ARID4A: variants seen among roughly 807,000 people sequenced by gnomAD.
ARID4A encodes the protein AT-rich interaction domain 4A, also known as AT-rich interactive domain-containing protein 4A.
In ARID4A, 39 loss-of-function variants were observed where a neutral mutation model predicts 148.6. The observed-to-expected ratio is 0.26, with a 90% CI of 0.20 to 0.34. ARID4A has a LOEUF of 0.34. Ranked by LOEUF, ARID4A falls within the 10% of genes least tolerant of loss-of-function variation. The pLI is 1.00. For synonymous variants in ARID4A, 475 were observed against 481.2 expected, an observed-to-expected ratio of 0.99 and a Z score of 0.17; for missense variants, 1,265 against 1,449.1, an observed-to-expected ratio of 0.87 and a Z score of 2.06.
At chr14:58,371,253 A>G (rs2035599404) in intron 23 of ARID4A, among the ~76,000 whole-genome samples, 1 of 152,202 alleles carries the variant, frequency 6.6e-6, no homozygotes, top group South Asian at 2.1e-4. Context: ...AATTTTAAAT[A>G]AAATAGGAAC....
At chr14:58,368,036 C>T (rs1352712305) in intron 23 of ARID4A, among the ~76,000 whole-genome samples, 1 of 152,146 alleles carries the variant, frequency 6.6e-6, no homozygotes, top group East Asian at 1.9e-4. Context: ...TGGATCTCTT[C>T]TTCCCATCTG....
At position 58,359,120 on chromosome 14, in the gene ARID4A, T is replaced by C. The variant is rs2035017991; in HGVS notation, c.1854-12T>C. 1.3e-6 allele frequency: 2 copies of C among 1,533,250 alleles called. No individual in the cohort carries two copies. Among genetic ancestry groups the C allele is most frequent in the Non-Finnish European group, 8.7e-7 (1 of 1,148,444 alleles). The allele number at this position is 1,533,250 out of a possible 1,614,324, so 95.0% of individuals were successfully genotyped here. ...TTTGTACAAACTCTTTTTTTTTTTT[T>C]TTTTTTTTAAGGTATGATGAGTGGG... is the stretch of plus-strand genomic sequence containing the variant. On this transcript the variant is annotated splice_polypyrimidine_tract_variant and intron_variant, in intron 17 of 23. Transcript: ENST00000355431.
rs150608823 is a variant in ARID4A, at chr14:58,347,217, TAGAG to T, written c.1172+102_1172+105del. The T allele has an allele frequency of 9.6e-5, 57 of 596,078 alleles. 1 individual carries two copies. The African/African-American group carries it at 1.1e-3, about 11-fold the overall frequency. 36.9% of individuals were successfully genotyped at this position (596,078 alleles called of 1,614,324 possible). On this transcript the variant is annotated intron_variant, in intron 14 of 23. Coordinates refer to ENST00000355431, the MANE Select transcript of ARID4A (RefSeq NM_002892.4). ...TACATCAATCTAGAAACATTAAAGT[TAGAG>T]AAAGTATATAAAAAGGTTTAGGTTG...
At chr14:58,311,555 A>G (rs1335799908) in intron 5 of ARID4A, among the ~76,000 whole-genome samples, 1 of 152,186 alleles carries the variant, frequency 6.6e-6, no homozygotes, top group African/African-American at 2.4e-5. Flanking sequence ...TAAAAATAGA[A>G]CTACCATATG....
chr14:58,335,186 A>T (rs185377424), intron 11 of ARID4A, among the ~76,000 whole-genome samples: 3 of 152,176 alleles, frequency 2.0e-5, no homozygotes, highest in Non-Finnish European at 4.4e-5. Flanking sequence ...CTTGATATCC[A>T]TGACGACATC....
chr14:58,369,961 T>A (rs1376471732), intron 23 of ARID4A: 1 of 152,174 alleles, frequency 6.6e-6, no homozygotes, highest in Non-Finnish European at 1.5e-5. Context: ...CCTGATAGGG[T>A]TGATCATGTT....
chr14:58,351,465 G>T, intron 16 of ARID4A, 142 bp downstream of exon 16: 1 of 1,123,106 alleles, frequency 8.9e-7, no homozygotes, highest in Non-Finnish European at 1.3e-6. Context: ...GAGACACATT[G>T]TGAAGATGAT....
chr14:58,315,650 A>G (rs925079767), intron 5 of ARID4A, among the ~76,000 whole-genome samples: 4 of 152,170 alleles, frequency 2.6e-5, no homozygotes, highest in Non-Finnish European at 5.9e-5. Context: ...AACAAGAATT[A>G]TATTGTTTGG....
chr14:58,367,069 C>T, intron 23 of ARID4A, 40 bp downstream of exon 23: 1 of 1,337,196 alleles, frequency 7.5e-7, no homozygotes, highest in Non-Finnish European at 9.8e-7. Flanking sequence ...TATTTCAAAA[C>T]TATATCCTAT....
rs1030079098 is a variant in ARID4A at position 58,340,286 on chromosome 14, C to T, written c.907-4409C>T. 6.6e-5 allele frequency among the ~76,000 whole-genome samples: 10 copies of T among 152,018 alleles called. 1 individual carries two copies. Among genetic ancestry groups the T allele is most frequent in the East Asian group, 5.8e-4 (3 of 5,168 alleles). ...TTTTGCCCAGGCTGGAGTGCAGTGG[C>T]GCAGTCTCAGCTGGGATTACAGGTG... is the stretch of plus-strand genomic sequence containing the variant. On this transcript the variant is annotated intron_variant, in intron 11 of 23. Transcript: ENST00000355431.
chr14:58,302,730 G>T (rs1343596006), intron 3 of ARID4A, among the ~76,000 whole-genome samples: 3 of 152,078 alleles, frequency 2.0e-5, no homozygotes. Flanking sequence ...TGAATGGGGG[G>T]ATTGCTTGAG....
chr14:58,353,751 T>C lies in ARID4A; in HGVS notation c.1749T>C (p.Tyr583=), dbSNP rs770784392. Residue 583 remains tyrosine, a synonymous_variant, in exon 17 of 24, where the codon TAT becomes TAC. Coordinates refer to ENST00000355431, the MANE Select transcript of ARID4A (RefSeq NM_002892.4). Reference sequence around the variant, plus strand: ...CAGGAACCAAAGTGAAAGTAAAATATGGACGAGGGAAGACTCAGAAAATTT... The same window carrying C: ...CAGGAACCAAAGTGAAAGTAAAATACGGACGAGGGAAGACTCAGAAAATTT... ...CLTGTKVKVK[Y]GRGKTQKIYE... The C allele has an allele frequency of 3.1e-6, 5 of 1,613,992 alleles. No individual in the cohort carries two copies. The highest frequency in any genetic ancestry group is 4.2e-6 in the Non-Finnish European group (5 of 1,179,964).
intron 23 of ARID4A, among the ~76,000 whole-genome samples, chr14:58,370,380 TCCGCCTC>T (rs1297762783): frequency 3.3e-5 from 5 of 152,180 alleles, no homozygotes; most frequent in African/African-American, 1.2e-4. Flanking sequence ...CACTGCAGCC[TCCGCCTC>T]CCGGGTTCAA....
chr14:58,318,754 C>T lies in ARID4A; in HGVS notation c.398C>T (p.Thr133Ile). ...TTAACAAATCCAGAGCATTTTGGAA[C>T]TCCAGTAATTGCAAAGAAGACGAAC... The part of the protein sequence containing the change: ...LPLTNPEHFG[T>I]PVIAKKTNRG... The change falls in exon 7 of 24, where the codon ACT (threonine) becomes ATT (isoleucine). Residue 133 changes from threonine to isoleucine, a missense_variant. Around this residue, in one of 9 missense-constraint regions of ARID4A, gnomAD observed 249 missense variants for 277.2 expected, o/e 0.90. Coordinates refer to ENST00000355431, the MANE Select transcript of ARID4A (RefSeq NM_002892.4). The T allele has an allele frequency of 6.2e-7, 1 of 1,614,106 alleles. No individual in the cohort carries two copies. Among genetic ancestry groups the T allele is most frequent in the Non-Finnish European group, 8.5e-7 (1 of 1,179,974 alleles).
chr14:58,320,631 G>A (rs576966346), intron 7 of ARID4A, among the ~76,000 whole-genome samples: 24 of 144,674 alleles, frequency 1.7e-4, no homozygotes, highest in Non-Finnish European at 2.5e-4. Flanking sequence ...CCCCTGAGAC[G>A]GAGTCTCGCT....
chr14:58,345,787 G>A (rs1287043433), intron 12 of ARID4A, among the ~76,000 whole-genome samples: 2 of 137,314 alleles, frequency 1.5e-5, no homozygotes, highest in East Asian at 4.3e-4. Flanking sequence ...CTGGAGTGCG[G>A]TGGCGTGAAC....
chr14:58,359,034 A>G, intron 17 of ARID4A, 98 bp from the exon 18 acceptor site: 1 of 1,301,704 alleles, frequency 7.7e-7, no homozygotes, highest in Non-Finnish European at 1.0e-6. Context: ...AAACTATTTA[A>G]TCTGTCTCAC....
intron 3 of ARID4A, among the ~76,000 whole-genome samples, chr14:58,302,082 G>A (rs1450125887): frequency 2.0e-5 from 3 of 152,188 alleles, no homozygotes; most frequent in East Asian, 1.9e-4. Context: ...TTGTGACTGG[G>A]CGTAGTGTCT....
rs2035591850 is a variant in ARID4A at position 58,371,095 on chromosome 14, G to C, written c.3671-791G>C. Among the ~76,000 whole-genome samples, 3 of 152,108 alleles carry C rather than the reference G, an allele frequency of 2.0e-5. No homozygotes were observed. The South Asian group carries it at 6.2e-4, about 31-fold the overall frequency. The stretch of plus-strand genomic sequence containing the variant: ...ACTTGAGTCCAGGTGTTTGAGACCA[G>C]CCTGGGCAACGTAGTGAAATCCCAT... On this transcript the variant is annotated intron_variant, in intron 23 of 23. Transcript: ENST00000355431.
Sources: gnomAD v4.1 joint callset for allele counts (sites outside exome capture counted in the v4.1 genomes callset) on GRCh38, gnomAD v4.1.1 for gene constraint, gnomAD v4.1.1 regional missense constraint, MANE v1.5 for transcripts, NCBI Gene and HGNC (gene_info 2026-07-23, HGNC 2026-07-21) for gene names.